Variants in C12orf42 observed in about 807,000 individuals in gnomAD.
C12orf42 encodes uncharacterized protein C12orf42.
C12orf42 carries 25 observed loss-of-function variants against 21.6 expected under a neutral mutation model. That is an observed-to-expected ratio of 1.16 (90% CI 0.84 to 1.62). The LOEUF is 1.62. Among genes scored for constraint, C12orf42 ranks in the 40% most tolerant of loss-of-function variants. The pLI, the probability that C12orf42 is intolerant of heterozygous loss-of-function variation, is 0.00. For missense variants in C12orf42, 483 were observed against 459.3 expected, an observed-to-expected ratio of 1.05 and a Z score of -0.47; for synonymous variants, 174 against 175.0, an observed-to-expected ratio of 0.99 and a Z score of 0.05.
At chr12:103,245,648 G>A (rs1565992000) in intron 10 of C12orf42, among the ~76,000 whole-genome samples, 1 of 152,050 alleles carries the variant, frequency 6.6e-6, no homozygotes, top group Non-Finnish European at 1.5e-5. Flanking sequence ...CTAATTGTAA[G>A]AGCCAAATAC....
At chr12:103,346,267 T>A (rs1289304877) in intron 4 of C12orf42, among the ~76,000 whole-genome samples, 1 of 152,226 alleles carries the variant, frequency 6.6e-6, no homozygotes, top group African/African-American at 2.4e-5. Context: ...ATTACTGCTG[T>A]AACTAGCAGG....
At chr12:103,153,979 G>C in the C12orf42 span, among the ~76,000 whole-genome samples, 3 of 109,164 alleles carry the variant, frequency 2.7e-5, no homozygotes, top group African/African-American at 1.1e-4. Flanking sequence ...ACTGTAGTAA[G>C]ATGGAACAAT....
chr12:103,483,805 C>T (rs941943871), intron 1 of C12orf42, among the ~76,000 whole-genome samples: 4 of 152,078 alleles, frequency 2.6e-5, no homozygotes. Context: ...AATGCTATCC[C>T]TCCCCCAGCC....
chr12:103,552,658 C>G, the C12orf42 span, among the ~76,000 whole-genome samples: 1 of 152,144 alleles, frequency 6.6e-6, no homozygotes. Context: ...TACACCCTCA[C>G]AAATGTCACT....
At chr12:103,470,750 G>T (rs1332444084) in intron 2 of C12orf42, among the ~76,000 whole-genome samples, 1 of 152,098 alleles carries the variant, frequency 6.6e-6, no homozygotes, top group Non-Finnish European at 1.5e-5. Context: ...ATACCCTGAG[G>T]CCATTATGAG....
chr12:103,383,748 C>A (rs150923334), intron 3 of C12orf42, among the ~76,000 whole-genome samples: 1 of 152,186 alleles, frequency 6.6e-6, no homozygotes, highest in Non-Finnish European at 1.5e-5. Flanking sequence ...CTATACTTAA[C>A]CACTCTTGAA....
At chr12:103,290,641 G>A (rs1330310887) in intron 4 of C12orf42, among the ~76,000 whole-genome samples, 2 of 152,150 alleles carry the variant, frequency 1.3e-5, no homozygotes, top group Admixed American at 1.3e-4. Context: ...TACCCCAAGA[G>A]GATTAATTAA....
rs534805332 is a variant in C12orf42, at chr12:103,392,125, G to A, written c.147+9482C>T. On this transcript the variant is annotated intron_variant, in intron 3 of 5. Transcript: ENST00000548883. The stretch of plus-strand genomic sequence containing the variant: ...ATCTTGGCATTTTTGTTGAAAATCA[G>A]TTGACCATACATGTAAGAGTTTATT... Among the ~76,000 whole-genome samples the A allele has an allele frequency of 1.4e-4, 22 of 152,254 alleles. No homozygotes were observed. The East Asian group carries it at 3.9e-3, about 27-fold the overall frequency.
At chr12:103,413,605 G>C (rs1390154023) in intron 2 of C12orf42, among the ~76,000 whole-genome samples, 1 of 152,066 alleles carries the variant, frequency 6.6e-6, no homozygotes, top group Non-Finnish European at 1.5e-5. Flanking sequence ...ACCGTACTCA[G>C]TGTGTAGTCT....
chr12:103,279,136 T>C (rs899712248), intron 4 of C12orf42, among the ~76,000 whole-genome samples: 3 of 152,212 alleles, frequency 2.0e-5, no homozygotes, highest in African/African-American at 7.2e-5. Flanking sequence ...GATCCAGAGA[T>C]CTGCTGTACC....
At chr12:103,397,372 G>T (rs755114467) in intron 3 of C12orf42, among the ~76,000 whole-genome samples, 10 of 152,180 alleles carry the variant, frequency 6.6e-5, no homozygotes, top group Non-Finnish European at 1.5e-4. Flanking sequence ...GGCACAACAG[G>T]AGGTGAGTGC....
the C12orf42 span, chr12:103,558,664 T>G: frequency 6.6e-6 from 1 of 152,228 alleles, no homozygotes; most frequent in Admixed American, 6.5e-5. Context: ...TTTTGTTTAT[T>G]TACTCATTCA....
chr12:103,426,467 G>C (rs996098653), intron 2 of C12orf42, among the ~76,000 whole-genome samples: 1 of 152,178 alleles, frequency 6.6e-6, no homozygotes, highest in Non-Finnish European at 1.5e-5. Flanking sequence ...TATGTGAAAA[G>C]ACCAAACCTA....
At chr12:103,462,313 G>T (rs1390452234) in intron 2 of C12orf42, among the ~76,000 whole-genome samples, 1 of 151,568 alleles carries the variant, frequency 6.6e-6, no homozygotes, top group Non-Finnish European at 1.5e-5. Context: ...GTTTTGCCAT[G>T]TTGGCCAGGC....
chr12:103,154,876 T>C, the C12orf42 span, among the ~76,000 whole-genome samples: 1 of 152,202 alleles, frequency 6.6e-6, no homozygotes, highest in African/African-American at 2.4e-5. Context: ...GATTATACAT[T>C]TGCAACTGTC....
chr12:103,501,320 G>A, the C12orf42 span, among the ~76,000 whole-genome samples: 2 of 152,206 alleles, frequency 1.3e-5, no homozygotes, highest in African/African-American at 4.8e-5. Flanking sequence ...GAGTAGCAAT[G>A]GTTGGGAGAG....
intron 2 of C12orf42, among the ~76,000 whole-genome samples, chr12:103,468,995 C>A (rs1277695222): frequency 3.3e-5 from 5 of 152,208 alleles, no homozygotes; most frequent in African/African-American, 1.2e-4. Context: ...CACATGCAGG[C>A]CTTGGGCGGC....
chr12:103,533,970 T>C, the C12orf42 span, among the ~76,000 whole-genome samples: 1 of 152,190 alleles, frequency 6.6e-6, no homozygotes. Flanking sequence ...ATGGGGATAA[T>C]ACAGCACCTG....
intron 2 of C12orf42, among the ~76,000 whole-genome samples, chr12:103,448,355 G>C (rs913782816): frequency 6.6e-6 from 1 of 151,940 alleles, no homozygotes; most frequent in African/African-American, 2.4e-5. Context: ...AGACAACATT[G>C]GAAAAATCCT....
Sources: allele counts gnomAD v4.1 joint callset (sites outside exome capture counted in the v4.1 genomes callset), GRCh38; gene constraint gnomAD v4.1.1; transcripts MANE v1.5; gene names NCBI Gene and HGNC (gene_info 2026-07-23, HGNC 2026-07-21).